ETNK1: variants seen among roughly 807,000 people sequenced by gnomAD.
The protein encoded by ETNK1 is ethanolamine kinase 1.
ETNK1 carries 8 observed loss-of-function variants against 45.1 expected under a neutral mutation model. The ratio of observed to expected loss-of-function variants is 0.18; its 90% CI spans 0.10 to 0.32. ETNK1 has a LOEUF of 0.32. Ranked by LOEUF, ETNK1 falls within the 10% of genes least tolerant of loss-of-function variation. The probability of loss-of-function intolerance (pLI) is 1.00; values close to 1 mark genes in which losing one functional copy is unlikely to be tolerated. For synonymous variants in ETNK1, 152 were observed against 151.9 expected (o/e 1.00, Z -0.01); for missense variants, 302 against 430.6 (o/e 0.70, Z 2.64).
intron 1 of ETNK1, among the ~76,000 whole-genome samples, chr12:22,631,083 G>A (rs1953573197): frequency 1.3e-5 from 2 of 152,100 alleles, no homozygotes; most frequent in Admixed American, 1.3e-4. Flanking sequence ...TCAATATAGT[G>A]TCTTGAGACC....
intron 1 of ETNK1, among the ~76,000 whole-genome samples, chr12:22,631,277 C>T (rs1199445585): frequency 2.6e-5 from 4 of 151,488 alleles, no homozygotes; most frequent in Non-Finnish European, 5.9e-5. Context: ...CAGGTTCAAG[C>T]GATTCTCCTG....
At chr12:22,662,769 A>T (rs566381352) in intron 4 of ETNK1, among the ~76,000 whole-genome samples, 3 of 152,290 alleles carry the variant, frequency 2.0e-5, no homozygotes, top group African/African-American at 7.2e-5. Flanking sequence ...TGCTGTTGTA[A>T]ATATAGTAAA....
chr12:22,661,317 T>G (rs1313165652), intron 4 of ETNK1, 112 bp downstream of exon 4: 2 of 760,084 alleles, frequency 2.6e-6, no homozygotes, highest in Non-Finnish European at 3.8e-6. Flanking sequence ...AGAGCGTGCA[T>G]GAAACCTTTA....
chr12:22,677,451 C>A (rs1408157262), intron 6 of ETNK1, among the ~76,000 whole-genome samples: 2 of 152,148 alleles, frequency 1.3e-5, no homozygotes, highest in African/African-American at 4.8e-5. Context: ...CATGATGCCT[C>A]CAGCTTTGTT....
At chr12:22,650,558 T>G (rs1953862198) in intron 2 of ETNK1, among the ~76,000 whole-genome samples, 1 of 152,082 alleles carries the variant, frequency 6.6e-6, no homozygotes, top group Non-Finnish European at 1.5e-5. Context: ...TTTTTTAGTC[T>G]GTTAATGTAT....
chr12:22,657,029 A>C (rs894971753), intron 2 of ETNK1, among the ~76,000 whole-genome samples: 17 of 152,114 alleles, frequency 1.1e-4, no homozygotes, highest in Non-Finnish European at 2.1e-4. Flanking sequence ...ATGCGTGTAC[A>C]TGCATGCATT....
intron 6 of ETNK1, chr12:22,682,358 AGTT>A: frequency 2.3e-6 from 1 of 426,230 alleles, no homozygotes; most frequent in South Asian, 1.7e-5. Context: ...TCTTTTTTAT[AGTT>A]GAGAAAATGT....
At chr12:22,666,052 G>A (rs910880304) in intron 4 of ETNK1, among the ~76,000 whole-genome samples, 6 of 152,116 alleles carry the variant, frequency 3.9e-5, no homozygotes, top group South Asian at 2.1e-4. Flanking sequence ...TTTTACATGC[G>A]AATGTTATTG....
chr12:22,665,047 A>G (rs890636299), intron 4 of ETNK1, among the ~76,000 whole-genome samples: 2 of 152,180 alleles, frequency 1.3e-5, no homozygotes, highest in Non-Finnish European at 1.5e-5. Context: ...GAAAATCTCT[A>G]ACTCTTAAAA....
intron 6 of ETNK1, among the ~76,000 whole-genome samples, chr12:22,678,645 T>C (rs549551871): frequency 1.8e-4 from 28 of 152,334 alleles, no homozygotes; most frequent in South Asian, 8.3e-4. Context: ...GAGTTCCAAA[T>C]TGTTAAAAGT....
At chr12:22,662,335 A>C (rs1283103429) in intron 4 of ETNK1, among the ~76,000 whole-genome samples, 2 of 115,824 alleles carry the variant, frequency 1.7e-5, no homozygotes, top group African/African-American at 3.4e-5. Context: ...TGATCCGCCC[A>C]CCTCGGCCTC....
At chr12:22,652,289 C>G (rs564188834) in intron 2 of ETNK1, among the ~76,000 whole-genome samples, 1 of 152,272 alleles carries the variant, frequency 6.6e-6, no homozygotes, top group South Asian at 2.1e-4. Context: ...TCACTTTTGG[C>G]TATTGTGAAT....
chr12:22,678,274 G>A (rs1954179751), intron 6 of ETNK1, among the ~76,000 whole-genome samples: 1 of 152,136 alleles, frequency 6.6e-6, no homozygotes, highest in African/African-American at 2.4e-5. Context: ...CTCAGACACT[G>A]CAATCTGCCT....
intron 6 of ETNK1, among the ~76,000 whole-genome samples, chr12:22,679,352 A>C (rs1954191480): frequency 6.6e-6 from 1 of 152,204 alleles, no homozygotes; most frequent in African/African-American, 2.4e-5. Flanking sequence ...GGGAAAAAGA[A>C]GGAAGCCAGA....
chr12:22,659,230 A>T, intron 3 of ETNK1, 76 bp downstream of exon 3: 2 of 1,388,878 alleles, frequency 1.4e-6, no homozygotes, highest in Non-Finnish European at 1.9e-6. Context: ...GTAATTGTAA[A>T]GTTTCATTGT....
intron 6 of ETNK1, among the ~76,000 whole-genome samples, chr12:22,676,836 C>T (rs974124125): frequency 2.0e-5 from 3 of 150,576 alleles, no homozygotes; most frequent in Non-Finnish European, 4.4e-5. Flanking sequence ...TGTTCATATC[C>T]TTTGCCTACG....
At chr12:22,649,532 G>A (rs1443422859) in intron 2 of ETNK1, among the ~76,000 whole-genome samples, 2 of 151,968 alleles carry the variant, frequency 1.3e-5, no homozygotes, top group Non-Finnish European at 2.9e-5. Flanking sequence ...GTATTTATAT[G>A]GGTCTGTTTC....
At chr12:22,653,384 T>C (rs2137546950) in intron 2 of ETNK1, among the ~76,000 whole-genome samples, 1 of 152,304 alleles carries the variant, frequency 6.6e-6, no homozygotes, top group Middle Eastern at 3.4e-3. Flanking sequence ...TTTTTCTTTT[T>C]CTGCAAAAAT....
In ETNK1 at chr12:22,656,784, A is replaced by T. The variant is rs12299284; in HGVS notation, c.417-2230A>T. The T allele has an allele frequency of 0.01, 10,160 of 982,398 alleles. 766 individuals carry two copies. The African/African-American group carries it at 0.16, about 16-fold the overall frequency. 60.9% of individuals were successfully genotyped at this position (982,398 alleles called of 1,614,324 possible). A position where few individuals can be genotyped will look rare whatever the true frequency, so the allele number is the denominator to read the frequency against. On this transcript the variant is annotated intron_variant, in intron 2 of 7. Transcript: ENST00000266517. ...AAATGATATTATTTTTCATTTATTT[A>T]AAAAAACCACAGCAAATAAAATCTG... is the stretch of plus-strand genomic sequence containing the variant.
Sources: allele counts gnomAD v4.1 joint callset (sites outside exome capture counted in the v4.1 genomes callset), GRCh38; gene constraint gnomAD v4.1.1; transcripts MANE v1.5; gene names NCBI Gene and HGNC (gene_info 2026-07-23, HGNC 2026-07-21).